PRKACB: variants seen among roughly 807,000 people sequenced by gnomAD.
The protein encoded by PRKACB is protein kinase cAMP-activated catalytic subunit beta.
Under a neutral mutation model 51.4 loss-of-function variants are expected in PRKACB, and 16 were observed. That is an observed-to-expected ratio of 0.31 (90% CI 0.21 to 0.47). The LOEUF is 0.47. PRKACB is among the 20% of genes least tolerant of loss of function. The pLI is 1.00. For missense variants in PRKACB, 309 were observed against 464.5 expected (o/e 0.67, Z 3.08); for synonymous variants, 147 against 154.4 (o/e 0.95, Z 0.35).
At position 84,235,192 on chromosome 1, in the gene PRKACB, T is replaced by C; in HGVS notation, c.1084T>C (p.Phe362Leu). The part of the protein sequence containing the change: ...AIYQRKVEAP[F>L]IPKFRGSGDT... ...CTCTCAATTATAGGTTGAAGCTCCA[T>C]TCATACCAAAGTTTAGAGGCTCTGG... The change falls in exon 10 of 10, where the codon TTC (phenylalanine) becomes CTC (leucine). Residue 362 changes from phenylalanine to leucine, a missense_variant. Phe to Leu is a conservative substitution (Grantham distance 22, BLOSUM62 0). Coordinates refer to ENST00000370685, the MANE Select transcript of PRKACB (RefSeq NM_182948.4). 1 of 1,613,660 alleles carries C rather than the reference T, an allele frequency of 6.2e-7. No individual in the cohort carries two copies. The highest frequency in any genetic ancestry group is 8.5e-7 in the Non-Finnish European group (1 of 1,179,814).
chr1:84,161,607 TA>T (rs1295457722), intron 1 of PRKACB, among the ~76,000 whole-genome samples: 2 of 151,870 alleles, frequency 1.3e-5, no homozygotes, highest in Admixed American at 6.6e-5. Context: ...AAATAAAATT[TA>T]AAAGGCATTT....
intron 9 of PRKACB, among the ~76,000 whole-genome samples, chr1:84,218,899 G>C (rs551231400): frequency 3.3e-5 from 5 of 152,252 alleles, no homozygotes; most frequent in South Asian, 2.1e-4. Flanking sequence ...TAATGGTGTT[G>C]AGCATTTTTT....
At chr1:84,155,430 T>C (rs1162919761) in intron 1 of PRKACB, among the ~76,000 whole-genome samples, 1 of 152,206 alleles carries the variant, frequency 6.6e-6, no homozygotes, top group East Asian at 1.9e-4. Context: ...GTTGTTAAAA[T>C]GCTTCTAGTA....
intron 1 of PRKACB, among the ~76,000 whole-genome samples, chr1:84,101,032 A>G (rs1649312750): frequency 6.6e-6 from 1 of 152,236 alleles, no homozygotes. Context: ...CAATGATAAG[A>G]AACTCATTAC....
intron 3 of PRKACB, 41 bp downstream of exon 3, chr1:84,182,369 A>C (rs569145388): frequency 6.9e-7 from 1 of 1,458,058 alleles, no homozygotes; most frequent in African/African-American, 1.4e-5. Context: ...GGTAAACTTT[A>C]GTTTTATCAG....
At chr1:84,156,729 A>G (rs1360759378) in intron 1 of PRKACB, among the ~76,000 whole-genome samples, 3 of 152,298 alleles carry the variant, frequency 2.0e-5, no homozygotes, top group Middle Eastern at 3.4e-3. Flanking sequence ...ATAAAAATAT[A>G]AAATACCGTG....
At chr1:84,098,254 T>C (rs1019144159) in intron 1 of PRKACB, among the ~76,000 whole-genome samples, 2 of 152,118 alleles carry the variant, frequency 1.3e-5, no homozygotes, top group Non-Finnish European at 2.9e-5. Context: ...AGTTTATGAA[T>C]ATAAATAAAA....
intron 1 of PRKACB, among the ~76,000 whole-genome samples, chr1:84,136,066 T>C (rs1652774106): frequency 6.6e-6 from 1 of 152,046 alleles, no homozygotes; most frequent in African/African-American, 2.4e-5. Context: ...ATGGATCTTC[T>C]TCACTGAAGC....
At chr1:84,119,662 TA>T (rs1404104638) in intron 1 of PRKACB, among the ~76,000 whole-genome samples, 1 of 152,066 alleles carries the variant, frequency 6.6e-6, no homozygotes, top group African/African-American at 2.4e-5. Context: ...TACTAAATTA[TA>T]AAGTTAATGA....
chr1:84,210,572 G>A (rs1287959742), intron 8 of PRKACB, among the ~76,000 whole-genome samples: 1 of 152,082 alleles, frequency 6.6e-6, no homozygotes, highest in East Asian at 1.9e-4. Flanking sequence ...TTTAAAATGA[G>A]AGTTTAGACT....
At chr1:84,124,606 C>G (rs944781174) in intron 1 of PRKACB, among the ~76,000 whole-genome samples, 38 of 152,304 alleles carry the variant, frequency 2.5e-4, no homozygotes, top group African/African-American at 9.1e-4. Context: ...GCTGTGGAGT[C>G]AGGCAACTAC....
intron 1 of PRKACB, among the ~76,000 whole-genome samples, chr1:84,170,800 AAATG>A (rs765717025): frequency 7.2e-5 from 11 of 151,842 alleles, no homozygotes; most frequent in Non-Finnish European, 1.6e-4. Context: ...TATGAGGAAA[AAATG>A]TATGTAATTC....
intron 1 of PRKACB, among the ~76,000 whole-genome samples, chr1:84,113,330 A>G (rs1285562756): frequency 1.3e-5 from 2 of 152,172 alleles, no homozygotes; most frequent in African/African-American, 4.8e-5. Context: ...CTGAGTAGAA[A>G]CACTTATACA....
chr1:84,132,511 A>G (rs1258705227), intron 1 of PRKACB, among the ~76,000 whole-genome samples: 1 of 152,250 alleles, frequency 6.6e-6, no homozygotes, highest in African/African-American at 2.4e-5. Context: ...AAAGGCAAGA[A>G]AAAACAGTCT....
chr1:84,173,343 G>C, intron 1 of PRKACB: 1 of 1,575,142 alleles, frequency 6.3e-7, no homozygotes, highest in Non-Finnish European at 8.6e-7. Context: ...CAAATCATCA[G>C]ATGCATCTGG....
At chr1:84,106,638 TTAGA>T (rs1303666696) in intron 1 of PRKACB, among the ~76,000 whole-genome samples, 2 of 152,016 alleles carry the variant, frequency 1.3e-5, no homozygotes, top group South Asian at 2.1e-4. Flanking sequence ...CTCCATGCTC[TTAGA>T]TAGGAAGAAT....
chr1:84,237,628 A>G lies in PRKACB; in HGVS notation c.*2323A>G. ...CCAATCAAGTACACTAAATTAGAAT[A>G]TTTTTAAAGTATGTAACATTCCCAG... On this transcript the variant is annotated 3_prime_UTR_variant, in exon 10 of 10. Coordinates refer to ENST00000370685, the MANE Select transcript of PRKACB (RefSeq NM_182948.4). The G allele has an allele frequency of 6.6e-6, 1 of 152,302 alleles. No individual in the cohort carries two copies. The highest frequency in any genetic ancestry group is 2.4e-5 in the African/African-American group (1 of 41,580). The allele number at this position is 152,302 out of a possible 1,614,324, so 9.4% of individuals were successfully genotyped here. A position where few individuals can be genotyped will look rare whatever the true frequency, so the allele number is the denominator to read the frequency against.
intron 2 of PRKACB, among the ~76,000 whole-genome samples, chr1:84,181,911 G>A (rs1270914536): frequency 6.6e-6 from 1 of 151,954 alleles, no homozygotes; most frequent in East Asian, 1.9e-4. Flanking sequence ...CCAATACTAG[G>A]AATGCATACT....
At chr1:84,221,747 T>C (rs1283005281) in intron 9 of PRKACB, among the ~76,000 whole-genome samples, 1 of 152,146 alleles carries the variant, frequency 6.6e-6, no homozygotes, top group African/African-American at 2.4e-5. Flanking sequence ...AAAGTGCTTC[T>C]TGTTACTGAT....
Sources: gnomAD v4.1 joint callset for allele counts (sites outside exome capture counted in the v4.1 genomes callset) on GRCh38, gnomAD v4.1.1 for gene constraint, MANE v1.5 for transcripts, NCBI Gene and HGNC (gene_info 2026-07-23, HGNC 2026-07-21) for gene names.